Variants in CDH13 observed in about 807,000 individuals in gnomAD.
CDH13 encodes the protein cadherin-13.
Under a neutral mutation model 63.8 loss-of-function variants are expected in CDH13, and 24 were observed. The ratio of observed to expected loss-of-function variants is 0.38; its 90% confidence interval spans 0.27 to 0.53. The LOEUF is 0.53. Among genes scored for constraint, CDH13 ranks in the 20% least tolerant of loss-of-function variants. The pLI is 0.85. For missense variants in CDH13, 1,049 were observed against 903.1 expected (o/e 1.16, Z -2.07); for synonymous variants, 503 against 355.3 (o/e 1.42, Z -4.67).
chr16:83,187,678 G>C (rs914456782), intron 4 of CDH13, among the ~76,000 whole-genome samples: 15 of 152,166 alleles, frequency 9.9e-5, no homozygotes, highest in African/African-American at 2.7e-4. Flanking sequence ...CCAGCTACAT[G>C]ATGAGGACTG....
chr16:83,028,119 G>A (rs1386892101), intron 2 of CDH13, among the ~76,000 whole-genome samples: 5 of 152,112 alleles, frequency 3.3e-5, no homozygotes, highest in Admixed American at 6.5e-5. Context: ...GATCCTGTTC[G>A]AGGGTTAAGT....
Position 82,958,747 on chromosome 16 carries a change from A to T in CDH13, c.158-73263A>T, listed in dbSNP as rs564224574. On this transcript the variant is annotated intron_variant, in intron 2 of 13. Coordinates refer to ENST00000567109, the MANE Select transcript of CDH13 (RefSeq NM_001257.5). ...GTCACAGGCTCCATTGTCTTCAGGG[A>T]CCAGTAGCAGTCATGTGAAAAGCAG... Among the ~76,000 whole-genome samples, 4 of 152,358 alleles carry T rather than the reference A, an allele frequency of 2.6e-5. No individual in the cohort carries two copies. In the South Asian group the frequency reaches 8.3e-4, roughly 32 times the overall value.
intron 7 of CDH13, among the ~76,000 whole-genome samples, chr16:83,511,884 G>C (rs1237657983): frequency 6.6e-6 from 1 of 152,090 alleles, no homozygotes; most frequent in Non-Finnish European, 1.5e-5. Flanking sequence ...TGAGGCCTGG[G>C]CATGTTATTT....
intron 10 of CDH13, among the ~76,000 whole-genome samples, chr16:83,701,576 C>G (rs1906236775): frequency 6.6e-6 from 1 of 152,176 alleles, no homozygotes. Flanking sequence ...CTCTGCATGC[C>G]TTTGCCAACA....
intron 4 of CDH13, among the ~76,000 whole-genome samples, chr16:83,157,790 G>A (rs2037274379): frequency 6.7e-6 from 1 of 150,100 alleles, no homozygotes; most frequent in African/African-American, 2.5e-5. Flanking sequence ...GTGCTTGCCT[G>A]TAGTCCCAGC....
chr16:83,580,655 C>A (rs933600670), intron 7 of CDH13, among the ~76,000 whole-genome samples: 2 of 151,980 alleles, frequency 1.3e-5, no homozygotes, highest in African/African-American at 4.8e-5. Flanking sequence ...CTACCATGCC[C>A]TGGCTTATTT....
intron 6 of CDH13, among the ~76,000 whole-genome samples, chr16:83,382,504 T>C (rs1009904631): frequency 6.6e-6 from 1 of 152,164 alleles, no homozygotes; most frequent in African/African-American, 2.4e-5. Flanking sequence ...ATCTATGTGA[T>C]GTCCCTTCAA....
intron 5 of CDH13, among the ~76,000 whole-genome samples, chr16:83,218,065 C>T (rs2039592367): frequency 6.6e-6 from 1 of 152,062 alleles, no homozygotes; most frequent in African/African-American, 2.4e-5. Context: ...GGAGTATTTG[C>T]ACATATCATG....
chr16:83,247,313 G>T (rs1260053905), intron 5 of CDH13, among the ~76,000 whole-genome samples: 1 of 152,188 alleles, frequency 6.6e-6, no homozygotes, highest in East Asian at 1.9e-4. Context: ...GGCTTGGGGA[G>T]AATAAGCTTC....
At chr16:82,970,504 A>G (rs1479361629) in intron 2 of CDH13, among the ~76,000 whole-genome samples, 1 of 131,650 alleles carries the variant, frequency 7.6e-6, no homozygotes, top group East Asian at 2.4e-4. Flanking sequence ...GGTTCACGCC[A>G]TTCTCCTGCC....
At chr16:83,624,977 G>A (rs1017759374) in intron 8 of CDH13, among the ~76,000 whole-genome samples, 2 of 152,200 alleles carry the variant, frequency 1.3e-5, no homozygotes, top group Non-Finnish European at 2.9e-5. Context: ...TGTCTTGCCG[G>A]TTCTGCATGT....
chr16:83,559,702 C>T (rs1403234067), intron 7 of CDH13, among the ~76,000 whole-genome samples: 2 of 151,954 alleles, frequency 1.3e-5, no homozygotes, highest in African/African-American at 4.8e-5. Context: ...TTAATTCTAC[C>T]CATTTTTCAC....
chr16:83,145,915 C>T (rs1002399597), intron 4 of CDH13, among the ~76,000 whole-genome samples: 1 of 152,064 alleles, frequency 6.6e-6, no homozygotes, highest in African/African-American at 2.4e-5. Context: ...AGATTTGTAA[C>T]TAATGAAAGG....
chr16:82,793,675 C>T (rs1461533566), intron 1 of CDH13, among the ~76,000 whole-genome samples: 2 of 152,262 alleles, frequency 1.3e-5, no homozygotes, highest in East Asian at 3.9e-4. Flanking sequence ...ATTTTATTCT[C>T]CGCAGCCTCC....
At chr16:83,305,745 G>T (rs1218075306) in intron 5 of CDH13, among the ~76,000 whole-genome samples, 1 of 152,090 alleles carries the variant, frequency 6.6e-6, no homozygotes, top group African/African-American at 2.4e-5. Flanking sequence ...TCTGTACAAT[G>T]GGATTAATAC....
chr16:83,605,809 C>G (rs897556053), intron 8 of CDH13, among the ~76,000 whole-genome samples: 1 of 152,210 alleles, frequency 6.6e-6, no homozygotes, highest in Non-Finnish European at 1.5e-5. Context: ...AAAGGCTACT[C>G]TTTTCCTTTA....
intron 2 of CDH13, among the ~76,000 whole-genome samples, chr16:83,011,487 G>C (rs1176776469): frequency 6.6e-6 from 1 of 152,112 alleles, no homozygotes; most frequent in Admixed American, 6.5e-5. Context: ...TAATCCCCAG[G>C]GGCTTGTACT....
intron 2 of CDH13, among the ~76,000 whole-genome samples, chr16:82,986,121 G>A (rs1301137117): frequency 6.6e-6 from 1 of 152,178 alleles, no homozygotes; most frequent in Non-Finnish European, 1.5e-5. Flanking sequence ...TACACTTATT[G>A]TAGAGATGTT....
chr16:83,698,991 T>C (rs1905804659), intron 10 of CDH13, among the ~76,000 whole-genome samples: 1 of 152,238 alleles, frequency 6.6e-6, no homozygotes, highest in Non-Finnish European at 1.5e-5. Context: ...CTACCAGCAT[T>C]ATGGTATCTT....
Sources: gnomAD v4.1 joint callset for allele counts (sites outside exome capture counted in the v4.1 genomes callset) on GRCh38, gnomAD v4.1.1 for gene constraint, MANE v1.5 for transcripts, NCBI Gene and HGNC (gene_info 2026-07-23, HGNC 2026-07-21) for gene names.